COL5A2: variants seen among roughly 807,000 people sequenced by gnomAD.
COL5A2 encodes the protein collagen alpha-2(V) chain.
In COL5A2, 23 loss-of-function variants were observed where a neutral mutation model predicts 208.2. The observed-to-expected ratio is 0.11, with a 90% CI of 0.08 to 0.16. COL5A2 has a LOEUF of 0.16. COL5A2 is among the 10% of genes least tolerant of loss of function. The pLI, the probability that COL5A2 is intolerant of heterozygous loss-of-function variation, is 1.00. For missense variants in COL5A2, 1,590 were observed against 1,956.4 expected (o/e 0.81, Z 3.53); for synonymous variants, 625 against 628.5 (o/e 0.99, Z 0.08).
At chr2:189,111,232 A>G (rs4666771) in intron 1 of COL5A2, among the ~76,000 whole-genome samples, 108,243 of 149,012 alleles carry the variant, frequency 0.73, 39,535 homozygotes, top group Non-Finnish European at 0.82. Flanking sequence ...ACACATATAT[A>G]TGTGTGTGTG....
the COL5A2 span, among the ~76,000 whole-genome samples, chr2:189,322,298 G>A: frequency 2.6e-5 from 4 of 152,110 alleles, no homozygotes; most frequent in South Asian, 4.1e-4. Flanking sequence ...ACATTCAAAA[G>A]CTAACAGAAG....
chr2:189,311,324 G>A, the COL5A2 span: 2 of 1,100,110 alleles, frequency 1.8e-6, no homozygotes, highest in Non-Finnish European at 2.7e-6. Flanking sequence ...TATCTGGCAG[G>A]TGGTGGTGTT....
the COL5A2 span, among the ~76,000 whole-genome samples, chr2:189,396,503 C>A: frequency 2.0e-5 from 3 of 150,664 alleles, no homozygotes; most frequent in African/African-American, 7.3e-5. Flanking sequence ...GAAACCCCGT[C>A]TCTACTAAAA....
At chr2:189,192,409 C>G (rs1252625215) in intron 1 of COL5A2, among the ~76,000 whole-genome samples, 1 of 152,164 alleles carries the variant, frequency 6.6e-6, no homozygotes, top group Non-Finnish European at 1.5e-5. Flanking sequence ...GTCCTAAAAG[C>G]CTCTCACTAA....
the COL5A2 span, among the ~76,000 whole-genome samples, chr2:189,380,791 C>G: frequency 6.6e-6 from 1 of 151,874 alleles, no homozygotes; most frequent in Non-Finnish European, 1.5e-5. Context: ...ACAGTATCTA[C>G]AAAATTCTTC....
intron 1 of COL5A2, among the ~76,000 whole-genome samples, chr2:189,223,066 G>A (rs1689367713): frequency 6.6e-6 from 1 of 152,118 alleles, no homozygotes; most frequent in Admixed American, 6.6e-5. Flanking sequence ...TCTGGGTTTT[G>A]TCTAAGTCAG....
the COL5A2 span, among the ~76,000 whole-genome samples, chr2:189,319,336 C>T: frequency 5.9e-5 from 9 of 152,348 alleles, no homozygotes; most frequent in Middle Eastern, 3.4e-3. Context: ...CTGGATGCAG[C>T]GCACCAAGCG....
intron 21 of COL5A2, 118 bp from the exon 22 acceptor site, chr2:189,066,900 A>C: frequency 1.3e-6 from 1 of 777,138 alleles, no homozygotes; most frequent in South Asian, 1.4e-5. Context: ...GTTTTGCATC[A>C]GTAGTATAAT....
At chr2:189,083,906 T>C (rs1288032472) in intron 12 of COL5A2, 78 bp downstream of exon 12, 6 of 1,030,216 alleles carry the variant, frequency 5.8e-6, no homozygotes, top group Admixed American at 3.4e-5. Context: ...GCCTGATACA[T>C]GTGCATACAG....
intron 13 of COL5A2, 136 bp downstream of exon 13, chr2:189,080,854 C>T (rs913783563): frequency 1.1e-5 from 8 of 738,566 alleles, no homozygotes; most frequent in Admixed American, 4.2e-5. Flanking sequence ...ATTTCAGTAA[C>T]CACAGATGAA....
At chr2:189,339,673 T>C in the COL5A2 span, among the ~76,000 whole-genome samples, 1 of 152,198 alleles carries the variant, frequency 6.6e-6, no homozygotes, top group Admixed American at 6.5e-5. Flanking sequence ...GAAATGTAAC[T>C]ATGTGTGGGA....
intron 45 of COL5A2, among the ~76,000 whole-genome samples, chr2:189,046,936 A>G (rs1010663230): frequency 2.0e-5 from 3 of 152,282 alleles, no homozygotes; most frequent in East Asian, 1.9e-4. Flanking sequence ...ATCCTGGCCA[A>G]CGTGGTGAAA....
intron 41 of COL5A2, 144 bp downstream of exon 41, chr2:189,052,028 C>A: frequency 1.6e-6 from 1 of 639,136 alleles, no homozygotes; most frequent in Non-Finnish European, 2.6e-6. Context: ...TGCTGAAATA[C>A]CAGCATGCAT....
At chr2:189,298,515 A>G in the COL5A2 span, among the ~76,000 whole-genome samples, 3 of 152,266 alleles carry the variant, frequency 2.0e-5, no homozygotes, top group East Asian at 1.9e-4. Flanking sequence ...CTTACCTTCT[A>G]TGATATATGC....
chr2:189,421,813 T>TCG, the COL5A2 span, among the ~76,000 whole-genome samples: 1 of 151,332 alleles, frequency 6.6e-6, no homozygotes, highest in African/African-American at 2.5e-5. Context: ...GCTGTGGGCT[T>TCG]CACAGTCTTA....
At chr2:189,303,025 A>T in the COL5A2 span, among the ~76,000 whole-genome samples, 1 of 152,190 alleles carries the variant, frequency 6.6e-6, no homozygotes, top group South Asian at 2.1e-4. Flanking sequence ...CAAGATCTAC[A>T]TTAATAAGAA....
rs1685712693 is a variant in COL5A2, at chr2:189,048,281, T to C, written c.3148-19A>G. ...CTGGACCCTATAAAGAATAATGGTT[T>C]GAAAAACTACTTAACTGAGTAATGA... is the stretch of plus-strand genomic sequence containing the variant. On this transcript the variant is annotated intron_variant, in intron 44 of 53. Coordinates refer to ENST00000374866, the MANE Select transcript of COL5A2 (RefSeq NM_000393.5). 6.2e-7 allele frequency: 1 copy of C among 1,611,394 alleles called. No individual in the cohort carries two copies. The highest frequency in any genetic ancestry group is 8.5e-7 in the Non-Finnish European group (1 of 1,177,744).
Position 189,083,984 on chromosome 2 carries a change from C to G in COL5A2, c.852G>C (p.Pro284=). 1 of 1,610,306 alleles carries G rather than the reference C, an allele frequency of 6.2e-7. No homozygotes were observed. Among genetic ancestry groups the G allele is most frequent in the Non-Finnish European group, 8.5e-7 (1 of 1,176,822 alleles). The change falls in exon 12 of 54, where the codon CCG becomes CCC. Residue 284 remains proline (P), a splice_region_variant and synonymous_variant. Transcript: ENST00000374866. The stretch of plus-strand genomic sequence containing the variant: ...GCCTTTATGTTGAGTATAAACTTAC[C>G]GGAGATCCTGCAAATCCCACTTCAC... ...NPGEVGFAGS[P]GARGFPGAPG...
At chr2:189,249,082 A>C in the COL5A2 span, among the ~76,000 whole-genome samples, 1 of 152,172 alleles carries the variant, frequency 6.6e-6, no homozygotes, top group Admixed American at 6.5e-5. Flanking sequence ...AAAAGATTTT[A>C]TTAAAATAAA....
Sources: gnomAD v4.1 joint callset for allele counts (sites outside exome capture counted in the v4.1 genomes callset) on GRCh38, gnomAD v4.1.1 for gene constraint, MANE v1.5 for transcripts, NCBI Gene and HGNC (gene_info 2026-07-23, HGNC 2026-07-21) for gene names.